The following GRM8 variants were observed in gnomAD, a reference collection of about 807,000 sequenced individuals.
GRM8 encodes the protein metabotropic glutamate receptor 8.
Under a neutral mutation model 87.2 loss-of-function variants are expected in GRM8, and 47 were observed. That is an observed-to-expected ratio of 0.54 (90% CI 0.43 to 0.69). GRM8 has a LOEUF of 0.69. GRM8 is among the 30% of genes least tolerant of loss of function. The probability of loss-of-function intolerance (pLI) is 0.00; values close to 1 mark genes in which losing one functional copy is unlikely to be tolerated. For missense variants in GRM8, 1,019 were observed against 1,139.2 expected, an observed-to-expected ratio of 0.89 and a Z score of 1.52; for synonymous variants, 396 against 404.5, an observed-to-expected ratio of 0.98 and a Z score of 0.25.
At position 126,776,350 on chromosome 7, in the gene GRM8, G is replaced by A. The variant is rs139376428; in HGVS notation, c.1157-6285C>T. ...TGATTAAATATGGCAGTAAATGTCA[G>A]GAGGCAATGAACAACTCAGGGTTCT... On this transcript the variant is annotated intron_variant, in intron 6 of 10. Transcript: ENST00000339582. Among the ~76,000 whole-genome samples the A allele has an allele frequency of 2.6e-5, 4 of 152,230 alleles. No individual in the cohort carries two copies. The East Asian group carries it at 5.8e-4, about 22-fold the overall frequency.
chr7:127,163,300 G>T (rs1192590337), intron 2 of GRM8, among the ~76,000 whole-genome samples: 1 of 152,152 alleles, frequency 6.6e-6, no homozygotes, highest in African/African-American at 2.4e-5. Flanking sequence ...TCAGTGCAAA[G>T]GACTTGCCAG....
chr7:127,010,088 C>A lies in GRM8; in HGVS notation c.727+96408G>T, dbSNP rs570170200. On this transcript the variant is annotated intron_variant, in intron 3 of 10. Coordinates refer to ENST00000339582, the MANE Select transcript of GRM8 (RefSeq NM_000845.3). ...GAACTCCTGACCTGAAGTGATCCGA[C>A]TGCCTCAGCCTCCCAAAGTGCTGGG... 2.6e-5 allele frequency among the ~76,000 whole-genome samples: 4 copies of A among 152,292 alleles called. 1 individual carries two copies. The East Asian group carries it at 7.7e-4, about 30-fold the overall frequency.
In GRM8 at chr7:126,644,044, T is replaced by C. The variant is rs577891495; in HGVS notation, c.1358-34546A>G. Among the ~76,000 whole-genome samples, 30 of 152,356 alleles carry C rather than the reference T, an allele frequency of 2.0e-4. No homozygotes were observed. In the South Asian group the frequency reaches 5.8e-3, roughly 29 times the overall value. ...AAAAGGAAATCATGTACATTTAATG[T>C]AGAGTTTCGTCTTTTGCAGAAATAT... On this transcript the variant is annotated intron_variant, in intron 7 of 10. Coordinates refer to ENST00000339582, the MANE Select transcript of GRM8 (RefSeq NM_000845.3).
intron 2 of GRM8, among the ~76,000 whole-genome samples, chr7:127,217,026 T>A (rs948674713): frequency 6.6e-6 from 1 of 152,266 alleles, no homozygotes; most frequent in Non-Finnish European, 1.5e-5. Flanking sequence ...GTTATTTGTA[T>A]ATTTTCTCAT....
intron 3 of GRM8, among the ~76,000 whole-genome samples, chr7:127,046,965 A>G (rs530314194): frequency 3.4e-4 from 52 of 152,318 alleles, no homozygotes; most frequent in African/African-American, 1.2e-3. Flanking sequence ...GGCCCCTTGC[A>G]TTCCTAGTTT....
At chr7:127,207,803 AC>A (rs1231166379) in intron 2 of GRM8, among the ~76,000 whole-genome samples, 14 of 152,116 alleles carry the variant, frequency 9.2e-5, no homozygotes, top group African/African-American at 2.7e-4. Context: ...CCTAAGACTA[AC>A]AAAATGGACT....
At chr7:127,023,352 T>G (rs1816464528) in intron 3 of GRM8, among the ~76,000 whole-genome samples, 1 of 152,078 alleles carries the variant, frequency 6.6e-6, no homozygotes, top group Non-Finnish European at 1.5e-5. Flanking sequence ...ATTCATCCAT[T>G]ATTTATAGTT....
chr7:127,100,986 T>A (rs1309941818), intron 3 of GRM8, among the ~76,000 whole-genome samples: 1 of 152,212 alleles, frequency 6.6e-6, no homozygotes, highest in Non-Finnish European at 1.5e-5. Flanking sequence ...TCTAGATCAA[T>A]GTTCCTTGCT....
intron 7 of GRM8, among the ~76,000 whole-genome samples, chr7:126,752,073 G>A (rs967665088): frequency 2.6e-5 from 4 of 152,126 alleles, no homozygotes; most frequent in Non-Finnish European, 5.9e-5. Context: ...GGAGTGGGAG[G>A]AATTCAATGA....
At chr7:126,854,754 A>C (rs888141697) in intron 6 of GRM8, among the ~76,000 whole-genome samples, 1 of 152,152 alleles carries the variant, frequency 6.6e-6, no homozygotes, top group Non-Finnish European at 1.5e-5. Context: ...TTAAACCATT[A>C]CCTACCTTGC....
At chr7:126,900,864 C>T (rs773916685) in intron 6 of GRM8, among the ~76,000 whole-genome samples, 11 of 152,110 alleles carry the variant, frequency 7.2e-5, no homozygotes, top group Non-Finnish European at 1.3e-4. Context: ...CTGGATGAGT[C>T]CTCATTGACC....
intron 3 of GRM8, among the ~76,000 whole-genome samples, chr7:127,002,150 C>G (rs1335005759): frequency 6.6e-6 from 1 of 151,500 alleles, no homozygotes; most frequent in Admixed American, 6.6e-5. Flanking sequence ...TGTCAAAACT[C>G]ATCAAACTAG....
chr7:126,581,694 C>T (rs1352266166), intron 8 of GRM8, among the ~76,000 whole-genome samples: 7 of 152,016 alleles, frequency 4.6e-5, no homozygotes, highest in East Asian at 1.9e-4. Context: ...AGTCTCTCAG[C>T]ACCATTTTTC....
chr7:127,247,557 T>G (rs1424758962), intron 1 of GRM8, among the ~76,000 whole-genome samples: 1 of 152,182 alleles, frequency 6.6e-6, no homozygotes, highest in Non-Finnish European at 1.5e-5. Flanking sequence ...TCTCCCATGC[T>G]GCAATATGTG....
intron 2 of GRM8, among the ~76,000 whole-genome samples, chr7:127,225,134 G>A (rs565950402): frequency 5.9e-5 from 9 of 152,342 alleles, no homozygotes; most frequent in African/African-American, 1.9e-4. Context: ...GGAGGCATCT[G>A]CCCCTCCTTC....
Position 126,903,969 on chromosome 7 carries a change from T to C in GRM8, c.1018+3A>G, listed in dbSNP as rs1031908799. 2 of 1,427,408 alleles carry C rather than the reference T, an allele frequency of 1.4e-6. No individual in the cohort carries two copies. Among genetic ancestry groups the C allele is most frequent in the Non-Finnish European group, 2.0e-6 (2 of 1,016,326 alleles). 88.4% of individuals were successfully genotyped at this position (1,427,408 alleles called of 1,614,324 possible). The stretch of plus-strand genomic sequence containing the variant: ...AAACAAATTCTCTATGGTGCATTCT[T>C]ACCATCAATTGATGCTCGTTTGGGC... On this transcript the variant is annotated splice_donor_region_variant and intron_variant, in intron 5 of 10. Transcript: ENST00000339582.
intron 8 of GRM8, among the ~76,000 whole-genome samples, chr7:126,597,199 C>T (rs1439590654): frequency 6.6e-6 from 1 of 152,106 alleles, no homozygotes; most frequent in Non-Finnish European, 1.5e-5. Flanking sequence ...GCTCTCCTCC[C>T]TCAGTTAATT....
chr7:126,550,265 C>A (rs140623536), intron 8 of GRM8, among the ~76,000 whole-genome samples: 1 of 152,054 alleles, frequency 6.6e-6, no homozygotes, highest in South Asian at 2.1e-4. Context: ...CAGGCACACG[C>A]CACCACGCCT....
At chr7:127,115,079 C>T (rs1161294749) in intron 2 of GRM8, among the ~76,000 whole-genome samples, 1 of 152,236 alleles carries the variant, frequency 6.6e-6, no homozygotes, top group African/African-American at 2.4e-5. Context: ...ACACAGCCAG[C>T]CCCTGGCAAC....
Sources: gnomAD v4.1 joint callset for allele counts (sites outside exome capture counted in the v4.1 genomes callset) on GRCh38, gnomAD v4.1.1 for gene constraint, MANE v1.5 for transcripts, NCBI Gene and HGNC (gene_info 2026-07-23, HGNC 2026-07-21) for gene names.